MYOM2: variants seen among roughly 807,000 people sequenced by gnomAD.
The protein encoded by MYOM2 is myomesin-2.
MYOM2 carries 254 observed loss-of-function variants against 187.6 expected under a neutral mutation model. That is an observed-to-expected ratio of 1.35 (90% CI 1.22 to 1.50). MYOM2 has a LOEUF of 1.50. Ranked by LOEUF, MYOM2 falls within the 40% of genes most tolerant of loss-of-function variation. The pLI is 0.00. For synonymous variants in MYOM2, 981 were observed against 753.8 expected (o/e 1.30, Z -4.94); for missense variants, 2,796 against 1,924.0 (o/e 1.45, Z -8.48).
At chr8:2,131,015 G>A (rs547223816) in intron 32 of MYOM2, among the ~76,000 whole-genome samples, 6 of 152,272 alleles carry the variant, frequency 3.9e-5, no homozygotes, top group Admixed American at 1.3e-4. Context: ...TCATAAACAC[G>A]TTCATCTTCT....
intron 15 of MYOM2, among the ~76,000 whole-genome samples, chr8:2,091,256 C>A (rs1044668368): frequency 5.3e-5 from 8 of 151,958 alleles, no homozygotes; most frequent in African/African-American, 1.9e-4. Context: ...ATTGCCCAGG[C>A]CAGTCTCGAA....
rs1451140558 is a variant in MYOM2, at chr8:2,050,762, C to G, written c.-5C>G. ...GTGTGACTCTCTTTGTAGGAGCACG[C>G]CAAGATGTCCCTTGTGACTGTCCCC... is the stretch of plus-strand genomic sequence containing the variant. On this transcript the variant is annotated 5_prime_UTR_variant, in exon 2 of 37. Coordinates refer to ENST00000262113, the MANE Select transcript of MYOM2 (RefSeq NM_003970.4). The G allele has an allele frequency of 7.5e-6, 12 of 1,606,012 alleles. No individual in the cohort carries two copies. The highest frequency in any genetic ancestry group is 1.1e-5 in the South Asian group (1 of 90,826).
rs963720379 is a variant in MYOM2 at position 2,073,392 on chromosome 8, G to A, written c.1012G>A (p.Ala338Thr). ...GAAGATGTTCTTTGGAGAAGGCCAGGCCTCCCTGTCCTTCAGCCACCTGCA... is the reference window on the plus strand; with the variant it reads ...GAAGATGTTCTTTGGAGAAGGCCAGACCTCCCTGTCCTTCAGCCACCTGCA... ...WTKMFFGEGQ[A>T]SLSFSHLHKD... The change falls in exon 10 of 37, where the codon GCC (alanine) becomes ACC (threonine). Residue 338 changes from alanine to threonine, a missense_variant. Physicochemically the swap from Ala to Thr is moderately conservative, Grantham distance 58. Coordinates refer to ENST00000262113, the MANE Select transcript of MYOM2 (RefSeq NM_003970.4). The A allele has an allele frequency of 6.2e-7, 1 of 1,613,114 alleles. No individual in the cohort carries two copies. Among genetic ancestry groups the A allele is most frequent in the African/African-American group, 1.3e-5 (1 of 74,898 alleles).
intron 6 of MYOM2, among the ~76,000 whole-genome samples, chr8:2,061,184 G>T (rs567356936): frequency 5.9e-5 from 9 of 151,876 alleles, no homozygotes; most frequent in African/African-American, 2.2e-4. Flanking sequence ...GGTTTAGTGA[G>T]GGAGGGGGTC....
intron 18 of MYOM2, among the ~76,000 whole-genome samples, chr8:2,097,684 T>C (rs145021500): frequency 8.9e-4 from 135 of 152,198 alleles, no homozygotes; most frequent in African/African-American, 2.9e-3. Context: ...CCGGCTAATT[T>C]TTGTATTATT....
At chr8:2,117,994 C>T (rs368077970) in intron 28 of MYOM2, 42 bp downstream of exon 28, 1 of 1,576,592 alleles carries the variant, frequency 6.3e-7, no homozygotes, top group African/African-American at 1.4e-5. Context: ...AAATCTCATT[C>T]TGGTTCCTAT....
intron 31 of MYOM2, among the ~76,000 whole-genome samples, chr8:2,127,097 T>C (rs564765591): frequency 9.2e-5 from 14 of 151,866 alleles, no homozygotes; most frequent in Admixed American, 3.3e-4. Context: ...TAGGGTGGTG[T>C]TGGTCTCATG....
Position 2,050,787 on chromosome 8 carries a change from CT to C in MYOM2, c.23del (p.Phe8SerfsTer41), listed in dbSNP as rs1818456155. MSLVTVP[F>X]YQKRHRHFDQ... ...CCAAGATGTCCCTTGTGACTGTCCC[CT>C]TCTACCAGAAGAGACATAGGCACTT... On this transcript the variant is annotated frameshift_variant, in exon 2 of 37. Transcript: ENST00000262113. LOFTEE classifies it high-confidence loss of function. 1.2e-6 allele frequency: 2 copies of C among 1,612,874 alleles called. No individual in the cohort carries two copies. The highest frequency in any genetic ancestry group is 2.2e-5 in the South Asian group (2 of 91,042).
intron 28 of MYOM2, 21 bp from the exon 29 acceptor site, chr8:2,123,231 C>T: frequency 2.0e-6 from 3 of 1,522,444 alleles, no homozygotes; most frequent in Non-Finnish European, 2.7e-6. Flanking sequence ...ACACACTAAA[C>T]TTAAGCTTTC....
rs543620848 is a variant in MYOM2 at position 2,076,453 on chromosome 8, G to A, written c.1262+171G>A. The A allele has an allele frequency of 1.2e-5, 10 of 833,704 alleles. No individual in the cohort carries two copies. The East Asian group carries it at 1.7e-4, about 14-fold the overall frequency. The allele number at this position is 833,704 out of a possible 1,614,324, so 51.6% of individuals were successfully genotyped here. ...TCCTATTTAGGTAATTGGTAAATAC[G>A]GCCAAGTAGGCTGAGCCCAGCATAA... is the stretch of plus-strand genomic sequence containing the variant. On this transcript the variant is annotated intron_variant, in intron 11 of 36. Coordinates refer to ENST00000262113, the MANE Select transcript of MYOM2 (RefSeq NM_003970.4).
intron 10 of MYOM2, among the ~76,000 whole-genome samples, chr8:2,075,795 A>G (rs985576510): frequency 1.3e-5 from 2 of 152,226 alleles, no homozygotes; most frequent in African/African-American, 4.8e-5. Flanking sequence ...TAGAAATGCC[A>G]GATTATTGTC....
intron 3 of MYOM2, among the ~76,000 whole-genome samples, chr8:2,055,317 C>G (rs1467502940): frequency 6.6e-6 from 1 of 152,090 alleles, no homozygotes; most frequent in Non-Finnish European, 1.5e-5. Context: ...TGAAAGAGAC[C>G]CACAGGGCTG....
chr8:2,109,424 G>C lies in MYOM2; in HGVS notation c.3073G>C (p.Glu1025Gln), dbSNP rs1160056002. 3.7e-6 allele frequency: 6 copies of C among 1,610,944 alleles called. No homozygotes were observed. Among genetic ancestry groups the C allele is most frequent in the Non-Finnish European group, 5.1e-6 (6 of 1,178,814 alleles). ...TIPLKSELAY[E>Q]IFDKGRVRFW... The stretch of plus-strand genomic sequence containing the variant: ...TCCTCTGAAATCGGAATTAGCTTAT[G>C]AGATTTTTGATAAGGGGCGGGTTCG... The change falls in exon 25 of 37, where the codon GAG (glutamate) becomes CAG (glutamine). Residue 1025 changes from glutamate to glutamine, a missense_variant. Transcript: ENST00000262113.
chr8:2,140,162 C>G (rs1402987032), intron 32 of MYOM2, among the ~76,000 whole-genome samples: 1 of 152,132 alleles, frequency 6.6e-6, no homozygotes, highest in Non-Finnish European at 1.5e-5. Flanking sequence ...ACATATTTGT[C>G]TCTTTGTGAC....
Position 2,092,441 on chromosome 8 carries a change from C to A in MYOM2, c.1924C>A (p.Leu642Met), listed in dbSNP as rs1377340325. The change falls in exon 16 of 37, where the codon CTG (leucine) becomes ATG (methionine). Residue 642 changes from leucine (L) to methionine (M), a missense_variant. Physicochemically the swap from Leu to Met is conservative, Grantham distance 15. Transcript: ENST00000262113. The part of the protein sequence containing the change: ...WDRPKHEEDL[L>M]GYYVDCCVAG... ...CCGACCTAAGCATGAGGAGGACCTG[C>A]TGGGCTACTACGTGGACTGCTGTGT... The A allele has an allele frequency of 5.0e-6, 8 of 1,614,158 alleles. No individual in the cohort carries two copies. Among genetic ancestry groups the A allele is most frequent in the Non-Finnish European group, 6.8e-6 (8 of 1,180,020 alleles).
chr8:2,072,672 G>A (rs563470025), intron 9 of MYOM2, among the ~76,000 whole-genome samples, 163 bp downstream of exon 9: 28 of 152,328 alleles, frequency 1.8e-4, no homozygotes, highest in Non-Finnish European at 2.5e-4. Flanking sequence ...CCCACCGTTC[G>A]CCTTGAACTT....
chr8:2,055,442 G>A (rs1208626125), intron 3 of MYOM2, among the ~76,000 whole-genome samples: 1 of 152,158 alleles, frequency 6.6e-6, no homozygotes, highest in Non-Finnish European at 1.5e-5. Context: ...CAGGCAAGAG[G>A]GCATGCAGAA....
chr8:2,059,340 A>C, intron 6 of MYOM2, 95 bp downstream of exon 6: 1 of 1,060,794 alleles, frequency 9.4e-7, no homozygotes, highest in East Asian at 2.4e-5. Context: ...AGGCCAAATC[A>C]CACCTGTCTG....
At chr8:2,094,577 G>T (rs1452774541) in intron 17 of MYOM2, among the ~76,000 whole-genome samples, 10 of 152,184 alleles carry the variant, frequency 6.6e-5, no homozygotes, top group African/African-American at 2.4e-4. Context: ...ACCTAATCTG[G>T]GAGGCGGAGT....
Sources: allele counts gnomAD v4.1 joint callset (sites outside exome capture counted in the v4.1 genomes callset), GRCh38; gene constraint gnomAD v4.1.1; transcripts MANE v1.5; gene names NCBI Gene and HGNC (gene_info 2026-07-23, HGNC 2026-07-21).